Variants in NIBAN1 observed in about 807,000 individuals in gnomAD.
NIBAN1 encodes protein Niban 1.
NIBAN1 carries 81 observed loss-of-function variants against 75.1 expected under a neutral mutation model. The ratio of observed to expected loss-of-function variants is 1.08; its 90% CI spans 0.90 to 1.30. NIBAN1 has a LOEUF of 1.30. Ranked by LOEUF, NIBAN1 falls within the 50% of genes most tolerant of loss-of-function variation. The pLI, the probability that NIBAN1 is intolerant of heterozygous loss-of-function variation, is 0.00. For missense variants in NIBAN1, 1,133 were observed against 1,128.1 expected, an observed-to-expected ratio of 1.00 and a Z score of -0.06; for synonymous variants, 436 against 424.8, an observed-to-expected ratio of 1.03 and a Z score of -0.32.
chr1:184,890,664 C>A (rs1041085568), intron 3 of NIBAN1, among the ~76,000 whole-genome samples: 2 of 152,176 alleles, frequency 1.3e-5, no homozygotes, highest in African/African-American at 4.8e-5. Flanking sequence ...CTGTGGAACA[C>A]GTAGCTGCAA....
intron 1 of NIBAN1, among the ~76,000 whole-genome samples, chr1:184,932,116 T>G (rs234635): frequency 0.19 from 29,643 of 152,124 alleles, 6,362 homozygotes; most frequent in African/African-American, 0.54. Flanking sequence ...TGATCTAGAA[T>G]AGTGGTCCCC....
At chr1:184,804,597 G>A (rs1236613094) in intron 11 of NIBAN1, among the ~76,000 whole-genome samples, 2 of 152,106 alleles carry the variant, frequency 1.3e-5, no homozygotes, top group East Asian at 3.9e-4. Context: ...ATATGAAGTT[G>A]AACTAAAGGC....
intron 1 of NIBAN1, among the ~76,000 whole-genome samples, chr1:184,945,753 T>C (rs78453562): frequency 2.0e-5 from 3 of 152,172 alleles, no homozygotes; most frequent in Admixed American, 1.3e-4. Context: ...GATAGCCAGA[T>C]AGAGAGTCGC....
intron 1 of NIBAN1, among the ~76,000 whole-genome samples, chr1:184,910,200 A>G (rs574669796): frequency 7.9e-5 from 12 of 152,128 alleles, no homozygotes; most frequent in Non-Finnish European, 1.8e-4. Flanking sequence ...TTAAGTATGA[A>G]GTAGAACTGT....
In NIBAN1 at chr1:184,794,873, A is replaced by G; in HGVS notation, c.*104T>C. 2 of 1,496,736 alleles carry G rather than the reference A, an allele frequency of 1.3e-6. No homozygotes were observed. Among genetic ancestry groups the G allele is most frequent in the Non-Finnish European group, 1.8e-6 (2 of 1,088,922 alleles). 92.7% of individuals were successfully genotyped at this position (1,496,736 alleles called of 1,614,324 possible). A position where few individuals can be genotyped will look rare whatever the true frequency, so the allele number is the denominator to read the frequency against. ...TCTGGTTTTATTATTCAAATTAAGA[A>G]AATACTTAAAAATTTTTTGGTAACA... On this transcript the variant is annotated 3_prime_UTR_variant, in exon 14 of 14. Coordinates refer to ENST00000367511, the MANE Select transcript of NIBAN1 (RefSeq NM_052966.4).
At chr1:184,962,389 T>C (rs1181207503) in intron 1 of NIBAN1, among the ~76,000 whole-genome samples, 9 of 152,214 alleles carry the variant, frequency 5.9e-5, no homozygotes, top group African/African-American at 2.2e-4. Flanking sequence ...CTAGTGCCTT[T>C]GAGAACCATG....
chr1:184,840,974 T>TGC (rs1655271737), intron 5 of NIBAN1, among the ~76,000 whole-genome samples: 1 of 151,556 alleles, frequency 6.6e-6, no homozygotes, highest in East Asian at 1.9e-4. Context: ...TGTGTGTGTG[T>TGC]GTGTATGTGT....
chr1:184,840,641 C>T (rs969254588), intron 5 of NIBAN1, among the ~76,000 whole-genome samples: 6 of 151,314 alleles, frequency 4.0e-5, no homozygotes, highest in Non-Finnish European at 7.4e-5. Context: ...TATTTGTCAA[C>T]AGCGAAAAGG....
At chr1:184,934,059 A>G (rs1657892131) in intron 1 of NIBAN1, among the ~76,000 whole-genome samples, 1 of 152,212 alleles carries the variant, frequency 6.6e-6, no homozygotes, top group Non-Finnish European at 1.5e-5. Flanking sequence ...GCAATAAAAG[A>G]ATGGAATCAA....
At position 184,958,464 on chromosome 1, in the gene NIBAN1, G is replaced by A. The variant is rs186885949; in HGVS notation, c.55+15838C>T. Among the ~76,000 whole-genome samples the A allele has an allele frequency of 8.6e-5, 13 of 151,844 alleles. No homozygotes were observed. In the East Asian group the frequency reaches 2.5e-3, roughly 29 times the overall value. On this transcript the variant is annotated intron_variant, in intron 1 of 13. Coordinates refer to ENST00000367511, the MANE Select transcript of NIBAN1 (RefSeq NM_052966.4). ...AAAGTTTAGTAAATGTTTCCACTTA[G>A]CTCATTTAAGGTAGCTAAAGCAGCT...
intron 1 of NIBAN1, among the ~76,000 whole-genome samples, chr1:184,933,529 T>G (rs1373116511): frequency 6.6e-6 from 1 of 152,214 alleles, no homozygotes; most frequent in Non-Finnish European, 1.5e-5. Flanking sequence ...ATTTATATCA[T>G]TTACTCCACA....
intron 1 of NIBAN1, among the ~76,000 whole-genome samples, chr1:184,973,967 G>T (rs994705659): frequency 2.6e-5 from 4 of 152,158 alleles, no homozygotes; most frequent in African/African-American, 9.7e-5. Flanking sequence ...TTCAGAAACC[G>T]CTCAGAACTC....
chr1:184,794,877 A>G lies in NIBAN1; in HGVS notation c.*100T>C, dbSNP rs947728094. 1 of 1,509,344 alleles carries G rather than the reference A, an allele frequency of 6.6e-7. No homozygotes were observed. Among genetic ancestry groups the G allele is most frequent in the Non-Finnish European group, 9.1e-7 (1 of 1,099,544 alleles). 93.5% of individuals were successfully genotyped at this position (1,509,344 alleles called of 1,614,324 possible). On this transcript the variant is annotated 3_prime_UTR_variant, in exon 14 of 14. Transcript: ENST00000367511. ...GTTTTATTATTCAAATTAAGAAAAT[A>G]CTTAAAAATTTTTTGGTAACAGCTT...
intron 1 of NIBAN1, among the ~76,000 whole-genome samples, chr1:184,922,534 A>G (rs950029977): frequency 3.3e-5 from 5 of 152,048 alleles, no homozygotes; most frequent in Admixed American, 3.3e-4. Flanking sequence ...CCTGTCTGCT[A>G]TTTGGTTGTC....
At chr1:184,920,080 T>A (rs747911239) in intron 1 of NIBAN1, among the ~76,000 whole-genome samples, 20 of 152,010 alleles carry the variant, frequency 1.3e-4, no homozygotes, top group South Asian at 6.2e-4. Flanking sequence ...AAAGAGGAAG[T>A]GGGTTTGAGC....
chr1:184,795,416 T>C lies in NIBAN1; in HGVS notation c.2348A>G (p.Glu783Gly). 2 of 1,606,600 alleles carry C rather than the reference T, an allele frequency of 1.2e-6. No homozygotes were observed. Among genetic ancestry groups the C allele is most frequent in the South Asian group, 2.2e-5 (2 of 89,956 alleles). Residue 783 changes from glutamate (E) to glycine (G), a missense_variant, in exon 14 of 14, where the codon GAG becomes GGG. Glu to Gly is a moderately conservative substitution (Grantham distance 98). Transcript: ENST00000367511. Reference protein sequence around the residue: ...AQPPCPEAHGEELGGFPEVGS... With the variant: ...AQPPCPEAHGGELGGFPEVGS... ...TACCTCTGGAAATCCCCCCAACTCC[T>C]CCCCATGGGCCTCGGGACAGGGAGG...
intron 1 of NIBAN1, among the ~76,000 whole-genome samples, chr1:184,971,467 C>G (rs1314206190): frequency 1.3e-5 from 2 of 151,642 alleles, no homozygotes; most frequent in African/African-American, 4.8e-5. Flanking sequence ...GTCAGGAGAT[C>G]GAAGCCATCC....
At chr1:184,867,969 TG>T (rs1656001779) in intron 5 of NIBAN1, 2 of 985,082 alleles carry the variant, frequency 2.0e-6, no homozygotes, top group Non-Finnish European at 2.4e-6. Flanking sequence ...TAGGGAAAGG[TG>T]GGGAAGGAAA....
chr1:184,823,722 C>CG lies in NIBAN1; in HGVS notation c.737_738insC (p.Met246IlefsTer15), dbSNP rs781168949. On this transcript the variant is annotated frameshift_variant, in exon 7 of 14. Transcript: ENST00000367511. LOFTEE classifies it high-confidence loss of function. The stretch of plus-strand genomic sequence containing the variant: ...TCTGAAGAGTGGGCAGGAGCTCCTC[C>CG]ATCACCAGGTTACTCAGGATCTGCG... 1 of 1,614,116 alleles carries CG rather than the reference C, an allele frequency of 6.2e-7. No homozygotes were observed. The highest frequency in any genetic ancestry group is 1.1e-5 in the South Asian group (1 of 91,086).
Sources: allele counts gnomAD v4.1 joint callset (sites outside exome capture counted in the v4.1 genomes callset), GRCh38; gene constraint gnomAD v4.1.1; transcripts MANE v1.5; gene names NCBI Gene and HGNC (gene_info 2026-07-23, HGNC 2026-07-21).